The following SPINK6 variants were observed in gnomAD, a reference collection of about 807,000 sequenced individuals.
SPINK6 encodes serine protease inhibitor Kazal-type 6.
SPINK6 carries 13 observed loss-of-function variants against 11.7 expected under a neutral mutation model. The ratio of observed to expected loss-of-function variants is 1.11; its 90% CI spans 0.72 to 1.76. The LOEUF (loss-of-function observed/expected upper bound fraction) is 1.76. Ranked by LOEUF, SPINK6 falls within the 40% of genes most tolerant of loss-of-function variation. The pLI, the probability that SPINK6 is intolerant of heterozygous loss-of-function variation, is 0.00. For missense variants in SPINK6, 98 were observed against 93.7 expected, an observed-to-expected ratio of 1.05 and a Z score of -0.19; for synonymous variants, 21 against 31.9, an observed-to-expected ratio of 0.66 and a Z score of 1.15.
chr5:148,209,650 T>C (rs908002294), intron 2 of SPINK6, among the ~76,000 whole-genome samples: 1 of 151,974 alleles, frequency 6.6e-6, no homozygotes, highest in African/African-American at 2.4e-5. Context: ...CCAGCCGAAA[T>C]TAAGGAGATA....
intron 2 of SPINK6, among the ~76,000 whole-genome samples, chr5:148,212,576 ATT>A (rs1561733685): frequency 9.8e-6 from 1 of 102,428 alleles, no homozygotes. Context: ...TATATTATAT[ATT>A]ATATAAATAT....
intron 2 of SPINK6, among the ~76,000 whole-genome samples, chr5:148,211,243 A>C (rs1162709430): frequency 6.6e-6 from 1 of 152,134 alleles, no homozygotes; most frequent in East Asian, 1.9e-4. Flanking sequence ...TATTTGGGTA[A>C]AAGTTGCTAT....
intron 1 of SPINK6, among the ~76,000 whole-genome samples, chr5:148,204,229 C>CA (rs1215990860): frequency 6.0e-5 from 9 of 151,022 alleles, no homozygotes; most frequent in Non-Finnish European, 3.0e-5. Flanking sequence ...CTTAGAAATA[C>CA]AAAAAAAATG....
chr5:148,210,148 ATG>A (rs539665515), intron 2 of SPINK6, among the ~76,000 whole-genome samples: 1 of 16,450 alleles, frequency 6.1e-5, no homozygotes, highest in East Asian at 9.7e-4. Context: ...ATACATATGT[ATG>A]TATTTCTGCA....
intron 2 of SPINK6, among the ~76,000 whole-genome samples, chr5:148,209,969 T>TACATATGTATGTATACATACAC (rs1755550635): frequency 5.5e-5 from 7 of 126,606 alleles, no homozygotes; most frequent in Non-Finnish European, 1.2e-4. Flanking sequence ...TATACATACA[T>TACATATGTATGTATACATACAC]ACGTACGTAT....
intron 3 of SPINK6, 37 bp from the exon 4 acceptor site, chr5:148,214,868 A>G (rs1755661025): frequency 6.4e-7 from 1 of 1,558,982 alleles, no homozygotes; most frequent in South Asian, 1.1e-5. Flanking sequence ...TACTTACGAT[A>G]TTGCACTGAG....
chr5:148,204,049 C>T (rs2113304763), intron 1 of SPINK6, among the ~76,000 whole-genome samples: 1 of 152,026 alleles, frequency 6.6e-6, no homozygotes, highest in Non-Finnish European at 1.5e-5. Context: ...TAAAACTAAG[C>T]CCTGGGACCT....
intron 2 of SPINK6, among the ~76,000 whole-genome samples, chr5:148,212,404 G>A (rs1755609586): frequency 6.8e-6 from 1 of 147,216 alleles, no homozygotes; most frequent in South Asian, 2.1e-4. Flanking sequence ...GCTGAGGTGG[G>A]AAGATGTCTT....
At chr5:148,214,445 A>G (rs1327776259) in intron 3 of SPINK6, among the ~76,000 whole-genome samples, 1 of 152,184 alleles carries the variant, frequency 6.6e-6, no homozygotes, top group East Asian at 1.9e-4. Context: ...AACTTTTCTC[A>G]GGAGAAAGTC....
intron 1 of SPINK6, among the ~76,000 whole-genome samples, chr5:148,205,316 G>T (rs772345447): frequency 1.3e-5 from 2 of 152,122 alleles, no homozygotes. Flanking sequence ...CCCATTCCAA[G>T]ACTGGATTGA....
At chr5:148,214,681 T>C (rs1755658859) in intron 3 of SPINK6, among the ~76,000 whole-genome samples, 1 of 152,218 alleles carries the variant, frequency 6.6e-6, no homozygotes, top group African/African-American at 2.4e-5. Context: ...CCAAAAAGTC[T>C]AAGACTTATG....
rs1014424679 is a variant in SPINK6, at chr5:148,213,933, C to T, written c.105C>T (p.Asp35=). The change falls in exon 3 of 4, where the codon GAC becomes GAT. Residue 35 remains aspartate (D), a synonymous_variant. Transcript: ENST00000325630. ...AGGTTGACTGTGGTGAGTTCCAGGA[C>T]CCCAAGGTCTACTGCACTCGGGAAT... ...GGQVDCGEFQ[D]PKVYCTRESN... 2 of 1,609,394 alleles carry T rather than the reference C, an allele frequency of 1.2e-6. No individual in the cohort carries two copies. Among genetic ancestry groups the T allele is most frequent in the Admixed American group, 3.3e-5 (2 of 59,982 alleles).
At chr5:148,212,491 T>TATATAAAGTATATATTTTAC in intron 2 of SPINK6, among the ~76,000 whole-genome samples, 1 of 130,618 alleles carries the variant, frequency 7.7e-6, no homozygotes, top group Non-Finnish European at 1.5e-5. Flanking sequence ...TATATATATA[T>TATATAAAGTATATATTTTAC]ATATATAAAG....
At chr5:148,210,015 T>TATACATACAC (rs1755559533) in intron 2 of SPINK6, among the ~76,000 whole-genome samples, 1 of 12,116 alleles carries the variant, frequency 8.3e-5, no homozygotes, top group Non-Finnish European at 3.6e-4. Flanking sequence ...TACATGTATG[T>TATACATACAC]ACGCATGTAC....
At chr5:148,211,391 TCTATGAGTTACAGAGATCTTTTAGAG>T (rs1755595493) in intron 2 of SPINK6, among the ~76,000 whole-genome samples, 2 of 152,332 alleles carry the variant, frequency 1.3e-5, no homozygotes, top group South Asian at 2.1e-4. Flanking sequence ...TTGATGATTT[TCTATGAGTTACAGAGATCTTTTAGAG>T]CTACTGTAGT....
intron 1 of SPINK6, among the ~76,000 whole-genome samples, chr5:148,205,659 G>A (rs969892132): frequency 1.3e-5 from 2 of 152,142 alleles, no homozygotes; most frequent in African/African-American, 4.8e-5. Flanking sequence ...AATGTCAAAG[G>A]TAGAGGATAC....
chr5:148,212,626 T>TAA (rs1755622757), intron 2 of SPINK6, among the ~76,000 whole-genome samples: 3 of 102,530 alleles, frequency 2.9e-5, no homozygotes, highest in African/African-American at 1.3e-4. Context: ...ATATTATATA[T>TAA]TATATATTAT....
chr5:148,209,995 CACGTATGT>C, intron 2 of SPINK6, among the ~76,000 whole-genome samples: 1 of 117,452 alleles, frequency 8.5e-6, no homozygotes, highest in South Asian at 2.6e-4. Context: ...TATACATATA[CACGTATGT>C]ATACATGTAT....
intron 1 of SPINK6, 123 bp from the exon 2 acceptor site, chr5:148,205,913 A>T (rs1349260671): frequency 4.4e-5 from 45 of 1,030,300 alleles, no homozygotes; most frequent in Non-Finnish European, 6.6e-5. Flanking sequence ...AACAAAAAAA[A>T]TACGATGACT....
Sources: allele counts gnomAD v4.1 joint callset (sites outside exome capture counted in the v4.1 genomes callset), GRCh38; gene constraint gnomAD v4.1.1; transcripts MANE v1.5; gene names NCBI Gene and HGNC (gene_info 2026-07-23, HGNC 2026-07-21).